SERPINB9: variants seen among roughly 807,000 people sequenced by gnomAD.
SERPINB9 encodes the protein serpin B9.
SERPINB9 carries 20 observed loss-of-function variants against 27.2 expected under a neutral mutation model. The ratio of observed to expected loss-of-function variants is 0.74; its 90% confidence interval spans 0.52 to 1.07. The LOEUF (loss-of-function observed/expected upper bound fraction) is 1.07, where lower values mean the gene tolerates loss of function less well. Among genes scored for constraint, SERPINB9 ranks in the 50% least tolerant of loss-of-function variants. The pLI is 0.00. For synonymous variants in SERPINB9, 189 were observed against 180.0 expected (o/e 1.05, Z -0.40); for missense variants, 476 against 460.1 (o/e 1.03, Z -0.32).
rs758408510 is a variant in SERPINB9, at chr6:2,890,502, C to G, written c.792G>C (p.Glu264Asp). ...WTKPDCMKST[E>D]VEVLLPKFKL... Reference sequence around the variant, plus strand: ...TAAATTTTGGAAGGAGAACTTCAACCTCAGTACTCTTCATACAGTCTGGCT... The same window carrying G: ...TAAATTTTGGAAGGAGAACTTCAACGTCAGTACTCTTCATACAGTCTGGCT... Residue 264 changes from glutamate (E) to aspartate (D), a missense_variant, in exon 7 of 7, where the codon GAG becomes GAC. Physicochemically the swap from Glu to Asp is conservative, Grantham distance 45 (BLOSUM62 2). Coordinates refer to ENST00000380698, the MANE Select transcript of SERPINB9 (RefSeq NM_004155.6). The surrounding 1 kb of genome is among the most constrained non-coding windows in gnomAD (Gnocchi z 6.2). 7.4e-6 allele frequency: 12 copies of G among 1,614,074 alleles called. No homozygotes were observed. Among genetic ancestry groups the G allele is most frequent in the African/African-American group, 1.3e-5 (1 of 74,914 alleles).
In SERPINB9 at chr6:2,895,530, G is replaced by A. The variant is rs760213483; in HGVS notation, c.307-22C>T. The A allele has an allele frequency of 4.0e-6, 6 of 1,499,934 alleles. No individual in the cohort carries two copies. The African/African-American group carries it at 8.3e-5, about 21-fold the overall frequency. The allele number at this position is 1,499,934 out of a possible 1,614,324, so 92.9% of individuals were successfully genotyped here. ...ACGTCTTTGGAGAGAAAAATGTTCA[G>A]TGAGGCTGCATTGCTAAATACAAAT... On this transcript the variant is annotated intron_variant, in intron 3 of 6. Transcript: ENST00000380698.
chr6:2,900,756 A>G, intron 1 of SERPINB9, 135 bp from the exon 2 acceptor site: 1 of 846,800 alleles, frequency 1.2e-6, no homozygotes, highest in Non-Finnish European at 1.8e-6. Flanking sequence ...ATTGGAGAAA[A>G]ATTTATTTTC....
Position 2,889,104 on chromosome 6 carries a change from G to T in SERPINB9, c.*1059C>A, listed in dbSNP as rs1158776696. On this transcript the variant is annotated 3_prime_UTR_variant, in exon 7 of 7. Coordinates refer to ENST00000380698, the MANE Select transcript of SERPINB9 (RefSeq NM_004155.6). ...ATATGTACATCTGGTTGCGGAGAAA[G>T]GAAAAACTTCTCAAAGAAGAATTTG... The T allele has an allele frequency of 1.3e-5, 2 of 152,150 alleles. No homozygotes were observed. Among genetic ancestry groups the T allele is most frequent in the Non-Finnish European group, 2.9e-5 (2 of 68,028 alleles). The allele number at this position is 152,150 out of a possible 1,614,324, so 9.4% of individuals were successfully genotyped here.
At position 2,894,734 on chromosome 6, in the gene SERPINB9, T is replaced by C. The variant is rs1767934035; in HGVS notation, c.424+657A>G. Among the ~76,000 whole-genome samples, 1 of 152,206 alleles carries C rather than the reference T, an allele frequency of 6.6e-6. No individual in the cohort carries two copies. The highest frequency in any genetic ancestry group is 1.5e-5 in the Non-Finnish European group (1 of 68,026). On this transcript the variant is annotated intron_variant, in intron 4 of 6. Transcript: ENST00000380698. This position sits in a 1 kb window ranked among gnomAD's most constrained non-coding sequence, Gnocchi z 4.7. Reference sequence around the variant, plus strand: ...AATGCAAGTTATTAAACTGGAAACCTGGCCTGAGATTCTTTTGACATTTGT... The same window carrying C: ...AATGCAAGTTATTAAACTGGAAACCCGGCCTGAGATTCTTTTGACATTTGT...
chr6:2,901,184 G>C (rs1294157176), intron 1 of SERPINB9, among the ~76,000 whole-genome samples: 1 of 152,184 alleles, frequency 6.6e-6, no homozygotes, highest in African/African-American at 2.4e-5. Context: ...AGTGCGTCCT[G>C]GACAGCCGGG....
intron 5 of SERPINB9, among the ~76,000 whole-genome samples, chr6:2,893,041 A>G (rs1184522766): frequency 1.5e-5 from 2 of 132,378 alleles, no homozygotes; most frequent in Non-Finnish European, 3.2e-5. Context: ...CACATATCAC[A>G]CTACCTTAAC....
At position 2,889,643 on chromosome 6, in the gene SERPINB9, C is replaced by A. The variant is rs318485; in HGVS notation, c.*520G>T. ...CCGGGAGGCGGAGCTTGCAGTGAGC[C>A]GAGATCGAGCCACTGCACTCCAGCC... is the stretch of plus-strand genomic sequence containing the variant. On this transcript the variant is annotated 3_prime_UTR_variant, in exon 7 of 7. Coordinates refer to ENST00000380698, the MANE Select transcript of SERPINB9 (RefSeq NM_004155.6). 0.87 allele frequency: 129,762 copies of A among 148,722 alleles called. 56,858 individuals carry two copies. Among genetic ancestry groups the A allele is most frequent in the East Asian group, 0.97 (4,895 of 5,050 alleles). The allele number at this position is 148,722 out of a possible 1,614,324, so 9.2% of individuals were successfully genotyped here. A position where few individuals can be genotyped will look rare whatever the true frequency, so the allele number is the denominator to read the frequency against.
chr6:2,900,738 T>A, intron 1 of SERPINB9, 117 bp from the exon 2 acceptor site: 1 of 938,212 alleles, frequency 1.1e-6, no homozygotes, highest in Non-Finnish European at 1.6e-6. Context: ...AGTTCGTAAG[T>A]ATTTTAAATT....
rs889219242 is a variant in SERPINB9 at position 2,890,040 on chromosome 6, G to A, written c.*123C>T. The A allele has an allele frequency of 1.2e-6, 1 of 842,918 alleles. No homozygotes were observed. Among genetic ancestry groups the A allele is most frequent in the Non-Finnish European group, 1.8e-6 (1 of 552,746 alleles). The allele number at this position is 842,918 out of a possible 1,614,324, so 52.2% of individuals were successfully genotyped here. On this transcript the variant is annotated 3_prime_UTR_variant, in exon 7 of 7. Transcript: ENST00000380698. This position sits in a 1 kb window ranked among gnomAD's most constrained non-coding sequence, Gnocchi z 6.2. Reference sequence around the variant, plus strand: ...TTCATGCTGGCAAATCATGAGGGCAGACAGGTAAAGAATCTGCCCTCATCT... The same window carrying A: ...TTCATGCTGGCAAATCATGAGGGCAAACAGGTAAAGAATCTGCCCTCATCT...
Position 2,888,262 on chromosome 6 carries a change from G to A in SERPINB9, c.*1901C>T, listed in dbSNP as rs975311966. 1 of 152,126 alleles carries A rather than the reference G, an allele frequency of 6.6e-6. No homozygotes were observed. The highest frequency in any genetic ancestry group is 2.4e-5 in the African/African-American group (1 of 41,402). The allele number at this position is 152,126 out of a possible 1,614,324, so 9.4% of individuals were successfully genotyped here. ...GAATGTGGAATGGTTCAACTGCTGT[G>A]GAAAACAGTTTGTCTGTTCCTCAAA... is the stretch of plus-strand genomic sequence containing the variant. On this transcript the variant is annotated 3_prime_UTR_variant, in exon 7 of 7. Transcript: ENST00000380698.
chr6:2,900,249 G>A (rs568968844), intron 2 of SERPINB9, among the ~76,000 whole-genome samples, 195 bp downstream of exon 2: 3 of 152,252 alleles, frequency 2.0e-5, no homozygotes, highest in South Asian at 4.2e-4. Flanking sequence ...AATAAATCTC[G>A]GTGGAGCAGA....
At chr6:2,901,262 C>A (rs1008248608) in intron 1 of SERPINB9, among the ~76,000 whole-genome samples, 1 of 152,220 alleles carries the variant, frequency 6.6e-6, no homozygotes, top group African/African-American at 2.4e-5. Context: ...CCCAGTAACT[C>A]CATTCAGAGC....
Position 2,895,473 on chromosome 6 carries a change from A to G in SERPINB9, c.342T>C (p.Ala114=), listed in dbSNP as rs1767964225. The G allele has an allele frequency of 1.2e-6, 2 of 1,613,732 alleles. No individual in the cohort carries two copies. The highest frequency in any genetic ancestry group is 1.7e-6 in the Non-Finnish European group (2 of 1,179,888). Residue 114 remains alanine, a synonymous_variant, in exon 4 of 7, where the codon GCT becomes GCC. Transcript: ENST00000380698. ...FKESCLQFYH[A]ELKELSFIRA... ...TGATAAAGGAAAGCTCCTTCAGCTC[A>G]GCATGGTAGAATTGAAGACAGGATT...
chr6:2,895,443 A>C lies in SERPINB9; in HGVS notation c.372T>G (p.Ala124=). The C allele has an allele frequency of 6.2e-7, 1 of 1,613,948 alleles. No individual in the cohort carries two copies. Among genetic ancestry groups the C allele is most frequent in the Admixed American group, 1.7e-5 (1 of 59,910 alleles). Residue 124 remains alanine, a synonymous_variant, in exon 4 of 7, where the codon GCT becomes GCG. Coordinates refer to ENST00000380698, the MANE Select transcript of SERPINB9 (RefSeq NM_004155.6). The part of the protein sequence containing the change: ...AELKELSFIR[A]AEESRKHINT... ...TGATGTGTTTCCTGGACTCTTCTGC[A>C]GCTCTGATAAAGGAAAGCTCCTTCA...
At position 2,889,899 on chromosome 6, in the gene SERPINB9, C is replaced by G. The variant is rs540581733; in HGVS notation, c.*264G>C. 6 of 360,716 alleles carry G rather than the reference C, an allele frequency of 1.7e-5. No homozygotes were observed. The highest frequency in any genetic ancestry group is 3.0e-5 in the Non-Finnish European group (6 of 198,034). The allele number at this position is 360,716 out of a possible 1,614,324, so 22.3% of individuals were successfully genotyped here. A position where few individuals can be genotyped will look rare whatever the true frequency, so the allele number is the denominator to read the frequency against. On this transcript the variant is annotated 3_prime_UTR_variant, in exon 7 of 7. Coordinates refer to ENST00000380698, the MANE Select transcript of SERPINB9 (RefSeq NM_004155.6). ...AATTGCATGTGGAATTCTAGAAGAACTTTGCTTGCCATCCTATGGGATTTG... is the reference window on the plus strand; with the variant it reads ...AATTGCATGTGGAATTCTAGAAGAAGTTTGCTTGCCATCCTATGGGATTTG...
chr6:2,892,067 T>G, intron 5 of SERPINB9, 79 bp from the exon 6 acceptor site: 10 of 1,160,298 alleles, frequency 8.6e-6, no homozygotes, highest in East Asian at 3.2e-5. Context: ...TTTCAGCACC[T>G]GTGATGGAAA....
At chr6:2,892,948 ACTTT>A (rs1157395417) in intron 5 of SERPINB9, among the ~76,000 whole-genome samples, 1 of 151,466 alleles carries the variant, frequency 6.6e-6, no homozygotes, top group Non-Finnish European at 1.5e-5. Flanking sequence ...ATCAAAACTT[ACTTT>A]AATTTTAAAA....
intron 2 of SERPINB9, 151 bp downstream of exon 2, chr6:2,900,293 C>A: frequency 1.1e-6 from 1 of 870,206 alleles, no homozygotes; most frequent in East Asian, 2.5e-5. Flanking sequence ...CACTTCTTCC[C>A]CAGTGGACCC....
At position 2,891,792 on chromosome 6, in the gene SERPINB9, G is replaced by A. The variant is rs759037301; in HGVS notation, c.723+41C>T. On this transcript the variant is annotated intron_variant, in intron 6 of 6. Transcript: ENST00000380698. The surrounding 1 kb of genome is among the most constrained non-coding windows in gnomAD (Gnocchi z 4.0). ...TGGAAGTGGCACTCGAGTTCTGCCCGCAAAGGTGTCCCTGGGTTCTTCCCG... is the reference window on the plus strand; with the variant it reads ...TGGAAGTGGCACTCGAGTTCTGCCCACAAAGGTGTCCCTGGGTTCTTCCCG... The A allele has an allele frequency of 1.3e-6, 2 of 1,548,544 alleles. No homozygotes were observed. The highest frequency in any genetic ancestry group is 1.7e-6 in the Non-Finnish European group (2 of 1,156,130).
Sources: gnomAD v4.1 joint callset for allele counts (sites outside exome capture counted in the v4.1 genomes callset) on GRCh38, gnomAD v4.1.1 for gene constraint, Gnocchi (gnomAD v3.1) non-coding constraint, MANE v1.5 for transcripts, NCBI Gene and HGNC (gene_info 2026-07-23, HGNC 2026-07-21) for gene names.